SVOPL: variants seen among roughly 807,000 people sequenced by gnomAD.
SVOPL encodes putative transporter SVOPL.
SVOPL carries 60 observed loss-of-function variants against 61.0 expected under a neutral mutation model. The observed-to-expected ratio is 0.98, with a 90% CI of 0.80 to 1.22. The LOEUF (loss-of-function observed/expected upper bound fraction) is 1.22. Among genes scored for constraint, SVOPL ranks in the 50% most tolerant of loss-of-function variants. The pLI, the probability that SVOPL is intolerant of heterozygous loss-of-function variation, is 0.00. For synonymous variants in SVOPL, 279 were observed against 250.0 expected, an observed-to-expected ratio of 1.12 and a Z score of -1.09; for missense variants, 662 against 643.9, an observed-to-expected ratio of 1.03 and a Z score of -0.30.
At chr7:138,612,516 T>C (rs1360187578) in intron 14 of SVOPL, among the ~76,000 whole-genome samples, 1 of 148,804 alleles carries the variant, frequency 6.7e-6, no homozygotes, top group African/African-American at 2.5e-5. Context: ...TAATTTTTTT[T>C]TTTTTTTTTT....
At chr7:138,675,771 G>A (rs935907183) in intron 3 of SVOPL, among the ~76,000 whole-genome samples, 1 of 152,154 alleles carries the variant, frequency 6.6e-6, no homozygotes, top group East Asian at 1.9e-4. Context: ...CCATTGTTGA[G>A]TGGACCCCAT....
intron 9 of SVOPL, among the ~76,000 whole-genome samples, chr7:138,639,484 G>C (rs1223830615): frequency 6.6e-6 from 1 of 151,762 alleles, no homozygotes; most frequent in Non-Finnish European, 1.5e-5. Context: ...AAAGTTATTT[G>C]GGCGTGGTGG....
At position 138,603,744 on chromosome 7, in the gene SVOPL, T is replaced by C. The variant is rs113821227; in HGVS notation, c.1354-7214A>G. On this transcript the variant is annotated intron_variant, in intron 14 of 15. Coordinates refer to ENST00000674285, the MANE Select transcript of SVOPL (RefSeq NM_001139456.2). Reference sequence around the variant, plus strand: ...CCTTTGTAGCCTGTATGTTGTAATCTGCAGCTAATGAATGTAACCTCTGTA... The same window carrying C: ...CCTTTGTAGCCTGTATGTTGTAATCCGCAGCTAATGAATGTAACCTCTGTA... 4.2e-3 allele frequency among the ~76,000 whole-genome samples: 639 copies of C among 152,276 alleles called. 2 individuals are homozygous for C. Among genetic ancestry groups the C allele is most frequent in the African/African-American group, 0.013 (530 of 41,552 alleles).
chr7:138,674,855 CAAA>C (rs34086254), intron 3 of SVOPL, among the ~76,000 whole-genome samples: 2,984 of 134,454 alleles, frequency 0.022, 105 homozygotes, highest in African/African-American at 0.076. Context: ...GACTCCATCT[CAAA>C]AAAAAAAAAA....
intron 9 of SVOPL, among the ~76,000 whole-genome samples, chr7:138,644,459 C>G (rs1426108616): frequency 6.6e-6 from 1 of 152,140 alleles, no homozygotes; most frequent in Non-Finnish European, 1.5e-5. Context: ...GACAATGATG[C>G]CAAATCATGT....
At position 138,596,546 on chromosome 7, in the gene SVOPL, G is replaced by T; in HGVS notation, c.1354-16C>A. Reference sequence around the variant, plus strand: ...TCATAAGAACCTGCAAGTCACAAGAGAATTACTCAATTTATTATGCTCCAG... The same window carrying T: ...TCATAAGAACCTGCAAGTCACAAGATAATTACTCAATTTATTATGCTCCAG... On this transcript the variant is annotated splice_polypyrimidine_tract_variant and intron_variant, in intron 14 of 15. Coordinates refer to ENST00000674285, the MANE Select transcript of SVOPL (RefSeq NM_001139456.2). The T allele has an allele frequency of 6.2e-7, 1 of 1,611,902 alleles. No individual in the cohort carries two copies. The highest frequency in any genetic ancestry group is 1.1e-5 in the South Asian group (1 of 90,720).
chr7:138,619,662 A>C (rs1434717212), intron 14 of SVOPL, among the ~76,000 whole-genome samples: 1 of 151,806 alleles, frequency 6.6e-6, no homozygotes, highest in Non-Finnish European at 1.5e-5. Context: ...CCCTGTGTTA[A>C]ATTGTGGGAA....
At chr7:138,646,805 C>T (rs1327604091) in intron 8 of SVOPL, among the ~76,000 whole-genome samples, 1 of 152,188 alleles carries the variant, frequency 6.6e-6, no homozygotes, top group Admixed American at 6.5e-5. Context: ...AAACATGAGC[C>T]ACCATGTCTG....
chr7:138,655,644 ATATATAT>A (rs1215007569), intron 7 of SVOPL, among the ~76,000 whole-genome samples: 21 of 56,538 alleles, frequency 3.7e-4, no homozygotes, highest in South Asian at 1.3e-3. Context: ...ATACTATTAT[ATATATAT>A]TATACTAATA....
At chr7:138,595,850 T>C (rs909808799) in intron 15 of SVOPL, among the ~76,000 whole-genome samples, 12 of 152,134 alleles carry the variant, frequency 7.9e-5, no homozygotes, top group African/African-American at 2.9e-4. Context: ...TCACCTAATC[T>C]GATTAAAATG....
chr7:138,638,010 A>AC (rs1317023461), intron 9 of SVOPL, among the ~76,000 whole-genome samples: 1 of 152,158 alleles, frequency 6.6e-6, no homozygotes, highest in Non-Finnish European at 1.5e-5. Flanking sequence ...GTTGTGGCTC[A>AC]CACCTGTAAT....
rs200401730 is a variant in SVOPL, at chr7:138,615,822, ACCAC to A, written c.1353+5220_1353+5223del. On this transcript the variant is annotated intron_variant, in intron 14 of 15. Transcript: ENST00000674285. ...GGAGGAAAAAAAAGATCACAGATGT[ACCAC>A]CCAGTTTAAGAAAGGAAAAATTTTT... 5.3e-3 allele frequency among the ~76,000 whole-genome samples: 806 copies of A among 151,698 alleles called. 10 individuals are homozygous for A. Among genetic ancestry groups the A allele is most frequent in the African/African-American group, 0.019 (771 of 41,422 alleles).
At chr7:138,649,286 AT>A in intron 7 of SVOPL, 149 bp from the exon 8 acceptor site, 1 of 1,152,876 alleles carries the variant, frequency 8.7e-7, no homozygotes. Context: ...TTTGTCCAGC[AT>A]TTTGCCTTTT....
intron 9 of SVOPL, among the ~76,000 whole-genome samples, chr7:138,631,627 G>A (rs1242670854): frequency 6.6e-6 from 1 of 151,992 alleles, no homozygotes; most frequent in Non-Finnish European, 1.5e-5. Context: ...AGAGTGCAAT[G>A]GCGTGATCTT....
intron 9 of SVOPL, among the ~76,000 whole-genome samples, chr7:138,642,848 A>AAAAAAGAAG (rs1437306629): frequency 0.15 from 5,198 of 33,616 alleles, 371 homozygotes; most frequent in African/African-American, 0.26. Flanking sequence ...AAAAAAAAAA[A>AAAAAAGAAG]AAGAAGAAAC....
chr7:138,671,884 G>T, intron 4 of SVOPL, 135 bp downstream of exon 4: 1 of 704,744 alleles, frequency 1.4e-6, no homozygotes, highest in Non-Finnish European at 2.4e-6. Context: ...GACATCAAAT[G>T]CTGCAAACCC....
intron 14 of SVOPL, among the ~76,000 whole-genome samples, chr7:138,601,251 CA>C (rs59761826): frequency 0.085 from 8,420 of 98,918 alleles, 291 homozygotes; most frequent in African/African-American, 0.18. Context: ...GATTCCATCT[CA>C]AAAAAAAAAA....
At chr7:138,644,380 G>A (rs1800988042) in intron 9 of SVOPL, among the ~76,000 whole-genome samples, 1 of 152,052 alleles carries the variant, frequency 6.6e-6, no homozygotes, top group Non-Finnish European at 1.5e-5. Flanking sequence ...GTCATGTAAT[G>A]AGGTTTATAA....
intron 7 of SVOPL, among the ~76,000 whole-genome samples, chr7:138,655,269 C>T (rs569902893): frequency 2.0e-4 from 30 of 152,198 alleles, no homozygotes; most frequent in African/African-American, 5.5e-4. Context: ...TTTGGGAGGC[C>T]GAGGCGGGTG....
Sources: allele counts gnomAD v4.1 joint callset (sites outside exome capture counted in the v4.1 genomes callset), GRCh38; gene constraint gnomAD v4.1.1; transcripts MANE v1.5; gene names NCBI Gene and HGNC (gene_info 2026-07-23, HGNC 2026-07-21).